Variants in ATP8B4 observed in about 807,000 individuals in gnomAD.
ATP8B4 encodes ATPase phospholipid transporting 8B4 (putative).
A neutral mutation model predicts 145.6 loss-of-function variants in ATP8B4; 133 were observed. The ratio of observed to expected loss-of-function variants is 0.91; its 90% CI spans 0.79 to 1.05. The LOEUF (loss-of-function observed/expected upper bound fraction) is 1.05. Among genes scored for constraint, ATP8B4 ranks in the 50% least tolerant of loss-of-function variants. ATP8B4 has a pLI of 0.00. For synonymous variants in ATP8B4, 507 were observed against 492.9 expected (o/e 1.03, Z -0.38); for missense variants, 1,458 against 1,425.2 (o/e 1.02, Z -0.37).
chr15:49,947,217 A>T lies in ATP8B4; in HGVS notation c.1288-13035T>A, dbSNP rs7171407. On this transcript the variant is annotated intron_variant, in intron 14 of 27. Coordinates refer to ENST00000284509, the MANE Select transcript of ATP8B4 (RefSeq NM_024837.4). ...AGAAGCCAAGGTAGGCGGATCACGA[A>T]GTCAGGAGATTGAGACCATCCTGGC... 3.0e-3 allele frequency among the ~76,000 whole-genome samples: 454 copies of T among 152,156 alleles called. 1 individual carries two copies. Among genetic ancestry groups the T allele is most frequent in the African/African-American group, 0.011 (439 of 41,524 alleles).
At chr15:50,092,737 T>A (rs1680183116) in intron 2 of ATP8B4, among the ~76,000 whole-genome samples, 1 of 151,990 alleles carries the variant, frequency 6.6e-6, no homozygotes, top group South Asian at 2.1e-4. Context: ...GTTAAAGGTT[T>A]ATCATATGTG....
intron 20 of ATP8B4, among the ~76,000 whole-genome samples, chr15:49,904,478 C>T (rs1245569277): frequency 6.6e-6 from 1 of 152,132 alleles, no homozygotes; most frequent in Non-Finnish European, 1.5e-5. Context: ...TACAAGATTA[C>T]CTAAGTAAGT....
intron 7 of ATP8B4, among the ~76,000 whole-genome samples, chr15:50,008,671 G>A (rs532640579): frequency 6.6e-6 from 1 of 152,230 alleles, no homozygotes; most frequent in East Asian, 1.9e-4. Flanking sequence ...AAGGCTAGAT[G>A]GCCAATTGGA....
intron 1 of ATP8B4, among the ~76,000 whole-genome samples, chr15:50,130,500 G>A (rs1029330287): frequency 2.6e-5 from 4 of 152,088 alleles, no homozygotes; most frequent in Non-Finnish European, 5.9e-5. Flanking sequence ...GTCTTGGCTG[G>A]GTGCAGTGGC....
intron 6 of ATP8B4, among the ~76,000 whole-genome samples, chr15:50,034,063 C>T (rs548708721): frequency 6.6e-6 from 1 of 152,124 alleles, no homozygotes; most frequent in South Asian, 2.1e-4. Flanking sequence ...ACTTATTTTC[C>T]ACTGGGTGTA....
At chr15:49,945,677 T>C (rs2042504226) in intron 14 of ATP8B4, among the ~76,000 whole-genome samples, 1 of 152,170 alleles carries the variant, frequency 6.6e-6, no homozygotes, top group African/African-American at 2.4e-5. Flanking sequence ...ATTCCTGGGA[T>C]TGAAGGATGA....
At chr15:50,053,959 G>A (rs558264374) in intron 3 of ATP8B4, among the ~76,000 whole-genome samples, 1 of 152,202 alleles carries the variant, frequency 6.6e-6, no homozygotes, top group African/African-American at 2.4e-5. Context: ...TTTTCCACTG[G>A]CAAAATGGAA....
At chr15:50,036,077 A>G (rs1324351402) in intron 6 of ATP8B4, among the ~76,000 whole-genome samples, 8 of 152,176 alleles carry the variant, frequency 5.3e-5, no homozygotes, top group Non-Finnish European at 8.8e-5. Flanking sequence ...TTCTCTTAAT[A>G]TTGCCATGGG....
intron 1 of ATP8B4, among the ~76,000 whole-genome samples, chr15:50,113,019 G>A (rs2057024577): frequency 6.6e-6 from 1 of 152,142 alleles, no homozygotes; most frequent in East Asian, 1.9e-4. Context: ...AAGGATGACA[G>A]GAGGAAGGAA....
chr15:49,953,987 C>T (rs1057140107), intron 14 of ATP8B4, among the ~76,000 whole-genome samples: 53 of 152,194 alleles, frequency 3.5e-4, no homozygotes, highest in Non-Finnish European at 2.9e-4. Context: ...TCCTTCTCTC[C>T]GTGGGTCATG....
chr15:50,106,152 C>G (rs941649731), intron 2 of ATP8B4, among the ~76,000 whole-genome samples: 2 of 152,122 alleles, frequency 1.3e-5, no homozygotes, highest in South Asian at 4.1e-4. Context: ...CTATCAGGGA[C>G]GATATTGGAA....
chr15:50,080,380 C>T (rs1253872877), intron 2 of ATP8B4, among the ~76,000 whole-genome samples: 1 of 152,126 alleles, frequency 6.6e-6, no homozygotes. Context: ...AATAATTAAT[C>T]TATAGCTCCC....
intron 16 of ATP8B4, among the ~76,000 whole-genome samples, chr15:49,926,383 C>T (rs1251395302): frequency 2.0e-5 from 3 of 152,120 alleles, no homozygotes; most frequent in Non-Finnish European, 2.9e-5. Context: ...AGGGAAGCTA[C>T]GGATTTCTCT....
chr15:50,157,052 AT>A (rs145151523), intron 1 of ATP8B4, among the ~76,000 whole-genome samples: 2,098 of 152,312 alleles, frequency 0.014, 50 homozygotes, highest in African/African-American at 0.048. Flanking sequence ...TTTTAACTCA[AT>A]TGTACAGATC....
At position 50,106,989 on chromosome 15, in the gene ATP8B4, G is replaced by A. The variant is rs1392799468; in HGVS notation, c.-23C>T. On this transcript the variant is annotated 5_prime_UTR_variant, in exon 2 of 28. Coordinates refer to ENST00000284509, the MANE Select transcript of ATP8B4 (RefSeq NM_024837.4). ...CATTATTATACCTGATCTTTCACCA[G>A]GTCTCAACAGGTGGCCTACCTAAGA... 1.3e-6 allele frequency: 2 copies of A among 1,561,234 alleles called. No individual in the cohort carries two copies. Among genetic ancestry groups the A allele is most frequent in the Admixed American group, 3.9e-5 (2 of 51,040 alleles).
Position 49,968,490 on chromosome 15 carries a change from CA to C in ATP8B4, c.1243+4091del, listed in dbSNP as rs566312825. Among the ~76,000 whole-genome samples the C allele has an allele frequency of 1.4e-4, 21 of 152,184 alleles. No individual in the cohort carries two copies. In the South Asian group the frequency reaches 3.7e-3, roughly 27 times the overall value. ...GTTGCAATCCTAGTCTCTGAAAAAA[CA>C]GACTTTAAACCAACAAAGACCAAAA... is the stretch of plus-strand genomic sequence containing the variant. On this transcript the variant is annotated intron_variant, in intron 13 of 27. Coordinates refer to ENST00000284509, the MANE Select transcript of ATP8B4 (RefSeq NM_024837.4).
At chr15:50,078,166 T>G (rs1439294407) in intron 2 of ATP8B4, among the ~76,000 whole-genome samples, 1 of 151,932 alleles carries the variant, frequency 6.6e-6, no homozygotes, top group Non-Finnish European at 1.5e-5. Flanking sequence ...TATATAGGTT[T>G]TTTAGAGATG....
At chr15:50,050,161 G>A (rs2052065519) in intron 3 of ATP8B4, among the ~76,000 whole-genome samples, 1 of 152,108 alleles carries the variant, frequency 6.6e-6, no homozygotes, top group Non-Finnish European at 1.5e-5. Flanking sequence ...TCCCAGTGAG[G>A]CTCTTTTGGG....
intron 18 of ATP8B4, among the ~76,000 whole-genome samples, chr15:49,919,619 A>G (rs933246851): frequency 6.6e-6 from 1 of 151,994 alleles, no homozygotes. Context: ...GGGTTTCACC[A>G]TGCTAGCCAG....
Sources: gnomAD v4.1 joint callset for allele counts (sites outside exome capture counted in the v4.1 genomes callset) on GRCh38, gnomAD v4.1.1 for gene constraint, MANE v1.5 for transcripts, NCBI Gene and HGNC (gene_info 2026-07-23, HGNC 2026-07-21) for gene names.